Variants in LMO7 observed in about 807,000 individuals in gnomAD.
The protein encoded by LMO7 is LIM domain only protein 7.
LMO7 carries 120 observed loss-of-function variants against 206.5 expected under a neutral mutation model. The ratio of observed to expected loss-of-function variants is 0.58; its 90% CI spans 0.50 to 0.68. LMO7 has a LOEUF of 0.68. Among genes scored for constraint, LMO7 ranks in the 30% least tolerant of loss-of-function variants. The pLI is 0.00. For missense variants in LMO7, 1,959 were observed against 1,957.9 expected, an observed-to-expected ratio of 1.00 and a Z score of -0.01; for synonymous variants, 706 against 681.5, an observed-to-expected ratio of 1.04 and a Z score of -0.56.
intron 2 of LMO7, among the ~76,000 whole-genome samples, chr13:75,717,665 G>T (rs949485271): frequency 1.3e-4 from 20 of 152,168 alleles, no homozygotes; most frequent in African/African-American, 4.6e-4. Flanking sequence ...GTAAGATAGA[G>T]AACTTTGTCA....
chr13:75,803,066 A>G (rs1254421557), intron 7 of LMO7, among the ~76,000 whole-genome samples: 1 of 152,236 alleles, frequency 6.6e-6, no homozygotes, highest in Admixed American at 6.5e-5. Context: ...TGATATACTT[A>G]TTGGAAATGA....
chr13:75,805,586 T>C lies in LMO7; in HGVS notation c.1022T>C (p.Ile341Thr), dbSNP rs1240454143. The change falls in exon 9 of 31, where the codon ATA (isoleucine) becomes ACA (threonine). Residue 341 changes from isoleucine to threonine, a missense_variant. Physicochemically the swap from Ile to Thr is moderately conservative, Grantham distance 89 (BLOSUM62 -1). Transcript: ENST00000377534. ...LEEEKAKTRS[I>T]PNIVKDDLYV... ...GAGGAAAAAGCAAAGACAAGAAGCA[T>C]ACCCAACATTGTAAAGGATGATCTT... 5.0e-6 allele frequency: 8 copies of C among 1,613,956 alleles called. No individual in the cohort carries two copies. Among genetic ancestry groups the C allele is most frequent in the East Asian group, 2.2e-5 (1 of 44,898 alleles).
chr13:75,800,852 T>C lies in LMO7; in HGVS notation c.631T>C (p.Ser211Pro). ...LGSRSLTSCS[S>P]DITLRGGREG... ...CTCGAGGTCATTGACAAGCTGCTCC[T>C]CTGATATCACGTTGAGAGGGGGGCG... Residue 211 changes from serine (S) to proline (P), a missense_variant, in exon 7 of 31, where the codon TCT (serine) becomes CCT (proline). Physicochemically the swap from Ser to Pro is moderately conservative, Grantham distance 74 (BLOSUM62 -1). Coordinates refer to ENST00000377534, the MANE Select transcript of LMO7 (RefSeq NM_001306080.2). The C allele has an allele frequency of 6.2e-7, 1 of 1,613,946 alleles. No homozygotes were observed. The highest frequency in any genetic ancestry group is 8.5e-7 in the Non-Finnish European group (1 of 1,179,886).
chr13:75,671,518 T>C (rs1437537338), intron 1 of LMO7, among the ~76,000 whole-genome samples: 1 of 152,154 alleles, frequency 6.6e-6, no homozygotes, highest in East Asian at 1.9e-4. Flanking sequence ...GGCGTGTGAT[T>C]ACTTTTCTGT....
intron 11 of LMO7, among the ~76,000 whole-genome samples, chr13:75,816,550 C>T (rs1325344753): frequency 1.3e-5 from 2 of 152,198 alleles, no homozygotes; most frequent in Non-Finnish European, 2.9e-5. Flanking sequence ...TGAAAGCATG[C>T]AAGCTGCCCT....
chr13:75,779,750 C>T (rs2051037675), intron 4 of LMO7, among the ~76,000 whole-genome samples: 1 of 152,070 alleles, frequency 6.6e-6, no homozygotes, highest in Non-Finnish European at 1.5e-5. Flanking sequence ...AGACAAGTAG[C>T]TTTATACAAG....
intron 3 of LMO7, among the ~76,000 whole-genome samples, chr13:75,735,423 T>C (rs980187052): frequency 6.6e-6 from 1 of 152,122 alleles, no homozygotes; most frequent in Non-Finnish European, 1.5e-5. Flanking sequence ...AGAGGTTTGT[T>C]ATTTAAGGAA....
intron 2 of LMO7, among the ~76,000 whole-genome samples, chr13:75,726,570 C>T (rs1224226324): frequency 6.6e-6 from 1 of 151,956 alleles, no homozygotes; most frequent in Non-Finnish European, 1.5e-5. Context: ...GTCCAGCTCA[C>T]CTTTTAAATG....
At chr13:75,695,961 T>C (rs1459198718) in intron 1 of LMO7, among the ~76,000 whole-genome samples, 1 of 152,156 alleles carries the variant, frequency 6.6e-6, no homozygotes, top group Admixed American at 6.5e-5. Context: ...GGAAAACTGG[T>C]CCCAAGGCTG....
chr13:75,681,693 T>C (rs564506819), intron 1 of LMO7, among the ~76,000 whole-genome samples: 1 of 131,178 alleles, frequency 7.6e-6, no homozygotes, highest in East Asian at 2.0e-4. Flanking sequence ...GTCATGTATG[T>C]ATGTATGTAT....
intron 4 of LMO7, among the ~76,000 whole-genome samples, chr13:75,785,845 T>A: frequency 6.6e-6 from 1 of 152,208 alleles, no homozygotes; most frequent in East Asian, 1.9e-4. Context: ...ATTTATATTA[T>A]CAAGTTTTAT....
intron 2 of LMO7, among the ~76,000 whole-genome samples, chr13:75,721,520 G>A (rs928199174): frequency 3.9e-5 from 6 of 152,276 alleles, no homozygotes; most frequent in Middle Eastern, 3.4e-3. Context: ...TAGAGGAAAA[G>A]TAAGCAAATT....
In LMO7 at chr13:75,853,193, A is replaced by G. The variant is rs1004192669; in HGVS notation, c.4466A>G (p.Gln1489Arg). ...GGATTCTATGCTTCTTCCTCTGTGC[A>G]AGACTTTAGTCGCCCACCACCTCAG... ...PTGFYASSSV[Q>R]DFSRPPPQLV... Residue 1489 changes from glutamine (Q) to arginine (R), a missense_variant, in exon 28 of 31, where the codon CAA (glutamine) becomes CGA (arginine). Transcript: ENST00000377534. 9 of 1,613,978 alleles carry G rather than the reference A, an allele frequency of 5.6e-6. No homozygotes were observed. Among genetic ancestry groups the G allele is most frequent in the African/African-American group, 2.7e-5 (2 of 74,886 alleles).
rs369909849 is a variant in LMO7, at chr13:75,748,435, C to T, written c.211-12497C>T. 3.3e-5 allele frequency among the ~76,000 whole-genome samples: 5 copies of T among 152,088 alleles called. No individual in the cohort carries two copies. The East Asian group carries it at 5.8e-4, about 18-fold the overall frequency. ...AGTTTCCTCATGTGTGAAGTGGGAA[C>T]GATAATAAGACTTCACAACATTTTT... On this transcript the variant is annotated intron_variant, in intron 3 of 30. Coordinates refer to ENST00000377534, the MANE Select transcript of LMO7 (RefSeq NM_001306080.2).
At chr13:75,661,081 T>C (rs1860588220) in intron 1 of LMO7, among the ~76,000 whole-genome samples, 2 of 152,230 alleles carry the variant, frequency 1.3e-5, no homozygotes, top group East Asian at 1.9e-4. Context: ...CAGCAGTAAT[T>C]CTTCCTTCTA....
intron 3 of LMO7, among the ~76,000 whole-genome samples, chr13:75,736,408 A>G (rs978774231): frequency 1.3e-5 from 2 of 152,202 alleles, no homozygotes; most frequent in Non-Finnish European, 2.9e-5. Context: ...TCCAAGTATG[A>G]ATTAGGGCTC....
Position 75,774,525 on chromosome 13 carries a change from T to C in LMO7, c.317+13487T>C, listed in dbSNP as rs552246068. Among the ~76,000 whole-genome samples the C allele has an allele frequency of 2.0e-5, 3 of 152,300 alleles. 1 individual carries two copies. The South Asian group carries it at 6.2e-4, about 32-fold the overall frequency. On this transcript the variant is annotated intron_variant, in intron 4 of 30. Transcript: ENST00000377534. The stretch of plus-strand genomic sequence containing the variant: ...GTCCCACATTCTCCTCGACATTTAA[T>C]ATTATCAGTCTATTGAATTTAGTCA...
Position 75,836,430 on chromosome 13 carries a change from G to T in LMO7, c.3367G>T (p.Asp1123Tyr). The T allele has an allele frequency of 6.5e-7, 1 of 1,535,972 alleles. No homozygotes were observed. Among genetic ancestry groups the T allele is most frequent in the Non-Finnish European group, 8.9e-7 (1 of 1,125,386 alleles). The stretch of plus-strand genomic sequence containing the variant: ...ATCCAAAGAAATCAATGGAATTCAT[G>T]ATGAAAGCAATGCTTTTGAATCAAA... ...IESKEINGIH[D>Y]ESNAFESKAS... Residue 1123 changes from aspartate to tyrosine, a missense_variant, in exon 19 of 31, where the codon GAT becomes TAT. By Grantham distance (160) the Asp-to-Tyr change is radical (BLOSUM62 -3). Transcript: ENST00000377534.
chr13:75,844,559 G>C (rs1234238215), intron 25 of LMO7, among the ~76,000 whole-genome samples: 1 of 151,962 alleles, frequency 6.6e-6, no homozygotes, highest in Middle Eastern at 3.2e-3. Context: ...ACGGGCGCAT[G>C]CCACCACATC....
Sources: gnomAD v4.1 joint callset for allele counts (sites outside exome capture counted in the v4.1 genomes callset) on GRCh38, gnomAD v4.1.1 for gene constraint, MANE v1.5 for transcripts, NCBI Gene and HGNC (gene_info 2026-07-23, HGNC 2026-07-21) for gene names.